The following CD226 variants were observed in gnomAD, a reference collection of about 807,000 sequenced individuals.
CD226 encodes CD226 antigen.
A neutral mutation model predicts 34.9 loss-of-function variants in CD226; 24 were observed. The ratio of observed to expected loss-of-function variants is 0.69; its 90% CI spans 0.50 to 0.97. The LOEUF is 0.97. Ranked by LOEUF, CD226 falls within the 50% of genes least tolerant of loss-of-function variation. The probability of loss-of-function intolerance (pLI) is 0.00; values close to 1 mark genes in which losing one functional copy is unlikely to be tolerated. For missense variants in CD226, 397 were observed against 412.7 expected (o/e 0.96, Z 0.33); for synonymous variants, 148 against 147.4 (o/e 1.00, Z -0.03).
At chr18:69,901,049 G>A (rs1387677019) in intron 2 of CD226, among the ~76,000 whole-genome samples, 1 of 152,078 alleles carries the variant, frequency 6.6e-6, no homozygotes, top group African/African-American at 2.4e-5. Context: ...TGCTAATCAA[G>A]CCTCCAAATC....
At chr18:69,908,970 CCACTTATCCTGTGATAT>C (rs1433436730) in intron 2 of CD226, among the ~76,000 whole-genome samples, 2 of 152,200 alleles carry the variant, frequency 1.3e-5, no homozygotes, top group African/African-American at 4.8e-5. Context: ...TCCTGTGATG[CCACTTATCCTGTGATAT>C]CACTTATTCT....
intron 2 of CD226, among the ~76,000 whole-genome samples, chr18:69,929,907 T>C (rs2055568961): frequency 6.6e-6 from 1 of 152,182 alleles, no homozygotes. Context: ...TGTGTGTCTC[T>C]CTCTAGCCTA....
At chr18:69,955,957 T>C (rs116980526) in intron 1 of CD226, among the ~76,000 whole-genome samples, 164 of 151,794 alleles carry the variant, frequency 1.1e-3, no homozygotes, top group Non-Finnish European at 2.0e-3. Flanking sequence ...ACCTTTCCAA[T>C]GTGGGCCACA....
chr18:69,906,567 C>T (rs1287479077), intron 2 of CD226, among the ~76,000 whole-genome samples: 1 of 152,184 alleles, frequency 6.6e-6, no homozygotes, highest in Non-Finnish European at 1.5e-5. Context: ...TAAAAATTCA[C>T]CCTTATGGCT....
intron 2 of CD226, 34 bp from the exon 3 acceptor site, chr18:69,896,079 T>G: frequency 6.4e-7 from 1 of 1,572,020 alleles, no homozygotes. Context: ...AGATACAGGT[T>G]GTCAAATTTT....
At chr18:69,943,945 T>C (rs1481271159) in intron 2 of CD226, among the ~76,000 whole-genome samples, 2 of 151,312 alleles carry the variant, frequency 1.3e-5, no homozygotes, top group Non-Finnish European at 1.5e-5. Context: ...CAATCCATTA[T>C]ACAAACTAGG....
At chr18:69,938,333 C>A (rs2055680778) in intron 2 of CD226, among the ~76,000 whole-genome samples, 2 of 152,202 alleles carry the variant, frequency 1.3e-5, no homozygotes, top group Non-Finnish European at 2.9e-5. Flanking sequence ...CCTCTACATT[C>A]TTTAACATGA....
At chr18:69,879,968 G>A (rs1405023031) in intron 3 of CD226, among the ~76,000 whole-genome samples, 4 of 152,176 alleles carry the variant, frequency 2.6e-5, no homozygotes, top group African/African-American at 9.7e-5. Flanking sequence ...ACAGGTTTAC[G>A]CTGTGTCAAA....
chr18:69,941,523 T>C (rs905013501), intron 2 of CD226, among the ~76,000 whole-genome samples: 10 of 152,342 alleles, frequency 6.6e-5, no homozygotes, highest in African/African-American at 2.2e-4. Flanking sequence ...TTTTTGGAAC[T>C]TGAAGTTTTA....
chr18:69,864,238 G>A lies in CD226; in HGVS notation c.*76C>T. The stretch of plus-strand genomic sequence containing the variant: ...TAGTATCTAAGGTAGACCTTGGGTA[G>A]TGGAAAAAAATTGCATAAAGATCCA... On this transcript the variant is annotated 3_prime_UTR_variant, in exon 6 of 6. Coordinates refer to ENST00000582621, the MANE Select transcript of CD226 (RefSeq NM_001303618.2). 1 of 1,420,678 alleles carries A rather than the reference G, an allele frequency of 7.0e-7. No individual in the cohort carries two copies. Among genetic ancestry groups the A allele is most frequent in the Non-Finnish European group, 9.8e-7 (1 of 1,019,352 alleles). 88.0% of individuals were successfully genotyped at this position (1,420,678 alleles called of 1,614,324 possible). A position where few individuals can be genotyped will look rare whatever the true frequency, so the allele number is the denominator to read the frequency against.
At chr18:69,920,201 A>G (rs2055434782) in intron 2 of CD226, among the ~76,000 whole-genome samples, 1 of 152,196 alleles carries the variant, frequency 6.6e-6, no homozygotes, top group African/African-American at 2.4e-5. Context: ...ACCCAAAAAT[A>G]GAAACAGGAA....
rs1257154213 is a variant in CD226 at position 69,947,781 on chromosome 18, T to A, written c.-375A>T. The A allele has an allele frequency of 6.2e-6, 1 of 162,188 alleles. No homozygotes were observed. 10.0% of individuals were successfully genotyped at this position (162,188 alleles called of 1,614,324 possible). A position where few individuals can be genotyped will look rare whatever the true frequency, so the allele number is the denominator to read the frequency against. The stretch of plus-strand genomic sequence containing the variant: ...AATATTGCCATGATAGAACTTACAT[T>A]CTATGTGGAGGAGGCAGAAACTAAA... On this transcript the variant is annotated 5_prime_UTR_variant, in exon 1 of 6. Coordinates refer to ENST00000582621, the MANE Select transcript of CD226 (RefSeq NM_001303618.2).
rs113164246 is a variant in CD226 at position 69,872,844 on chromosome 18, C to T, written c.830+300G>A. 2.8e-4 allele frequency among the ~76,000 whole-genome samples: 43 copies of T among 152,308 alleles called. 1 individual carries two copies. The highest frequency in any genetic ancestry group is 8.7e-4 in the African/African-American group (36 of 41,564). On this transcript the variant is annotated intron_variant, in intron 4 of 5. Coordinates refer to ENST00000582621, the MANE Select transcript of CD226 (RefSeq NM_001303618.2). Reference sequence around the variant, plus strand: ...TATCCATCTCGCGCTGTGTCATACACGCACACACACCACCCCCTCGCTGTC... The same window carrying T: ...TATCCATCTCGCGCTGTGTCATACATGCACACACACCACCCCCTCGCTGTC...
chr18:69,864,456 C>A lies in CD226; in HGVS notation c.886-17G>T. ...ATTGGGTGCCTAGAAAGACAAACAG[C>A]AGAGAGTGTCAATAATTCACTGCAT... On this transcript the variant is annotated splice_polypyrimidine_tract_variant and intron_variant, in intron 5 of 5. Coordinates refer to ENST00000582621, the MANE Select transcript of CD226 (RefSeq NM_001303618.2). The A allele has an allele frequency of 6.2e-7, 1 of 1,610,542 alleles. No individual in the cohort carries two copies. The highest frequency in any genetic ancestry group is 1.1e-5 in the South Asian group (1 of 90,536).
At chr18:69,897,524 T>C (rs1985366719) in intron 2 of CD226, among the ~76,000 whole-genome samples, 1 of 151,816 alleles carries the variant, frequency 6.6e-6, no homozygotes, top group Non-Finnish European at 1.5e-5. Context: ...AAGGGAGAAA[T>C]GCAAAAAGTG....
At chr18:69,880,416 GA>G (rs1272834188) in intron 3 of CD226, among the ~76,000 whole-genome samples, 1 of 151,306 alleles carries the variant, frequency 6.6e-6, no homozygotes, top group Non-Finnish European at 1.5e-5. Context: ...GGAAAGGGGA[GA>G]AAGAAGAAAG....
chr18:69,918,069 A>G (rs1463094768), intron 2 of CD226, among the ~76,000 whole-genome samples: 13 of 152,344 alleles, frequency 8.5e-5, no homozygotes, highest in Non-Finnish European at 8.8e-5. Flanking sequence ...TTAGTCTTCA[A>G]CATGGAGGTG....
rs780162160 is a variant in CD226 at position 69,899,891 on chromosome 18, G to A, written c.383-3846C>T. On this transcript the variant is annotated intron_variant, in intron 2 of 5. Transcript: ENST00000582621. ...ATGGCAATTCCTCAAAGAGATAAAA[G>A]CAGAACTACCATTTGACCCAGCAAT... 5.3e-5 allele frequency among the ~76,000 whole-genome samples: 8 copies of A among 152,250 alleles called. No homozygotes were observed. The South Asian group carries it at 6.2e-4, about 12-fold the overall frequency.
chr18:69,884,308 G>A (rs1408952958), intron 3 of CD226, among the ~76,000 whole-genome samples: 2 of 152,120 alleles, frequency 1.3e-5, no homozygotes, highest in African/African-American at 2.4e-5. Flanking sequence ...CATACCAGAT[G>A]ATCCTGATGT....
Sources: allele counts gnomAD v4.1 joint callset (sites outside exome capture counted in the v4.1 genomes callset), GRCh38; gene constraint gnomAD v4.1.1; transcripts MANE v1.5; gene names NCBI Gene and HGNC (gene_info 2026-07-23, HGNC 2026-07-21).